Variants in ZGPAT observed in about 807,000 individuals in gnomAD.
The protein encoded by ZGPAT is zinc finger CCCH-type and G-patch domain containing.
Under a neutral mutation model 47.9 loss-of-function variants are expected in ZGPAT, and 39 were observed. That is an observed-to-expected ratio of 0.81 (90% confidence interval 0.63 to 1.06). The LOEUF (loss-of-function observed/expected upper bound fraction) is 1.06, where lower values mean the gene tolerates loss of function less well. ZGPAT is among the 50% of genes least tolerant of loss of function. ZGPAT has a pLI of 0.00. For synonymous variants in ZGPAT, 348 were observed against 292.9 expected, an observed-to-expected ratio of 1.19 and a Z score of -1.92; for missense variants, 717 against 681.4, an observed-to-expected ratio of 1.05 and a Z score of -0.58.
Position 63,709,011 on chromosome 20 carries a change from C to G in ZGPAT, c.431C>G (p.Thr144Ser), listed in dbSNP as rs778327803. The G allele has an allele frequency of 2.9e-5, 46 of 1,613,480 alleles. No homozygotes were observed. The highest frequency in any genetic ancestry group is 3.6e-5 in the Non-Finnish European group (43 of 1,180,010). Reference protein sequence around the residue: ...VSAPYYSSWGTLEYHNAMVVG... With the variant: ...VSAPYYSSWGSLEYHNAMVVG... ...GCGCCCTACTACAGCTCCTGGGGCA[C>G]TCTGGAGTATCACAACGCCATGGTG... is the stretch of plus-strand genomic sequence containing the variant. The change falls in exon 2 of 7, where the codon ACT becomes AGT. Residue 144 changes from threonine (T) to serine (S), a missense_variant. Physicochemically the swap from Thr to Ser is moderately conservative, Grantham distance 58. Transcript: ENST00000355969.
intron 4 of ZGPAT, chr20:63,733,963 G>A (rs1601350267): frequency 1.7e-6 from 1 of 597,134 alleles, no homozygotes; most frequent in Non-Finnish European, 2.9e-6. Context: ...TTGATGGGAG[G>A]CCATGGTCGT....
intron 2 of ZGPAT, among the ~76,000 whole-genome samples, chr20:63,732,964 G>C (rs1284375079): frequency 6.6e-6 from 1 of 150,534 alleles, no homozygotes; most frequent in Non-Finnish European, 1.5e-5. Context: ...GTATGTGTGA[G>C]TGTATGTGTG....
intron 2 of ZGPAT, among the ~76,000 whole-genome samples, chr20:63,717,483 C>T (rs776768974): frequency 4.6e-5 from 7 of 151,724 alleles, no homozygotes; most frequent in Non-Finnish European, 8.8e-5. Context: ...AGACGTTTCC[C>T]GGCCAAGGTG....
chr20:63,709,330 G>A (rs914011978), intron 2 of ZGPAT, among the ~76,000 whole-genome samples, 166 bp downstream of exon 2: 2 of 152,190 alleles, frequency 1.3e-5, no homozygotes, highest in African/African-American at 4.8e-5. Flanking sequence ...TCTTCCTTCT[G>A]GGGTGAATCA....
At position 63,708,963 on chromosome 20, in the gene ZGPAT, A is replaced by G. The variant is rs774573345; in HGVS notation, c.383A>G (p.Glu128Gly). The change falls in exon 2 of 7, where the codon GAG becomes GGG. Residue 128 changes from glutamate to glycine, a missense_variant. By Grantham distance (98) the Glu-to-Gly change is moderately conservative. Transcript: ENST00000355969. ...GAGGAAGAGGGAGAGGACGAGGAAG[A>G]GCTGAGTGGGACAAAGGTGAGCGCG... ...QEEEEGEDEE[E>G]LSGTKVSAPY... The G allele has an allele frequency of 3.7e-6, 6 of 1,613,430 alleles. No homozygotes were observed. In the Admixed American group the frequency reaches 1.0e-4, roughly 27 times the overall value.
At chr20:63,722,733 C>T (rs1213451221) in intron 2 of ZGPAT, among the ~76,000 whole-genome samples, 5 of 151,868 alleles carry the variant, frequency 3.3e-5, no homozygotes, top group Admixed American at 2.6e-4. Flanking sequence ...CCCAGGTTCA[C>T]GCCATTCTCC....
At chr20:63,708,430 G>T (rs1215308718) in intron 1 of ZGPAT, 123 bp from the exon 2 acceptor site, 2 of 680,110 alleles carry the variant, frequency 2.9e-6, no homozygotes, top group African/African-American at 3.7e-5. Context: ...CCTCTGCGCT[G>T]GGAGCTGTGC....
intron 2 of ZGPAT, among the ~76,000 whole-genome samples, chr20:63,710,298 G>GC (rs1291135865): frequency 2.0e-5 from 3 of 151,792 alleles, no homozygotes; most frequent in African/African-American, 7.3e-5. Flanking sequence ...CATTACAGGC[G>GC]CCCGCCACCA....
At chr20:63,722,252 G>A (rs554319788) in intron 2 of ZGPAT, among the ~76,000 whole-genome samples, 41 of 152,304 alleles carry the variant, frequency 2.7e-4, no homozygotes, top group African/African-American at 9.9e-4. Context: ...AGTAGTGGCT[G>A]AGCAGAAATA....
intron 2 of ZGPAT, among the ~76,000 whole-genome samples, chr20:63,731,709 G>A (rs2091906157): frequency 7.0e-6 from 1 of 143,846 alleles, no homozygotes; most frequent in Non-Finnish European, 1.5e-5. Context: ...GGCCCTTTGT[G>A]TGTGTGAGAT....
rs148155917 is a variant in ZGPAT, at chr20:63,708,607, C to T, written c.27C>T (p.Ala9=). The change falls in exon 2 of 7, where the codon GCC becomes GCT. Residue 9 remains alanine (A), a synonymous_variant. Transcript: ENST00000355969. MDEESLES[A]LQTYRAQLQQ... The stretch of plus-strand genomic sequence containing the variant: ...TGGACGAGGAGAGCCTGGAGTCGGC[C>T]TTGCAGACCTACCGTGCGCAGCTGC... The T allele has an allele frequency of 1.0e-4, 161 of 1,607,664 alleles. No individual in the cohort carries two copies. The highest frequency in any genetic ancestry group is 1.3e-4 in the Non-Finnish European group (149 of 1,176,332).
At chr20:63,730,660 T>C (rs2091888123) in intron 2 of ZGPAT, among the ~76,000 whole-genome samples, 1 of 152,138 alleles carries the variant, frequency 6.6e-6, no homozygotes, top group South Asian at 2.1e-4. Flanking sequence ...AATTTTTGTA[T>C]TTTTAGTAGA....
chr20:63,709,224 C>T, intron 2 of ZGPAT, 60 bp downstream of exon 2: 4 of 1,581,716 alleles, frequency 2.5e-6, no homozygotes, highest in South Asian at 2.2e-5. Flanking sequence ...CACACAGGGT[C>T]GGGTCAGGAT....
intron 2 of ZGPAT, among the ~76,000 whole-genome samples, chr20:63,726,189 G>A (rs987891125): frequency 1.0e-4 from 14 of 140,264 alleles, no homozygotes; most frequent in Non-Finnish European, 1.7e-4. Context: ...ATCTGCCGTT[G>A]AGTACATCTA....
chr20:63,734,685 C>CCG lies in ZGPAT; in HGVS notation c.872-19_872-18insGC. 1 of 1,612,762 alleles carries CCG rather than the reference C, an allele frequency of 6.2e-7. No individual in the cohort carries two copies. The highest frequency in any genetic ancestry group is 1.1e-5 in the South Asian group (1 of 90,856). ...CCGTGGACTCTGCACAGTCCTCTGC[C>CCG]CTCTGTCCGTCTCTTGCAGTGGTGG... On this transcript the variant is annotated intron_variant, in intron 4 of 6. Transcript: ENST00000355969.
At chr20:63,722,035 T>G (rs1443466027) in intron 2 of ZGPAT, among the ~76,000 whole-genome samples, 8 of 125,164 alleles carry the variant, frequency 6.4e-5, no homozygotes, top group Admixed American at 1.6e-4. Context: ...AAAAAAAAAA[T>G]GCCATCAACA....
chr20:63,718,568 G>A (rs970897698), intron 2 of ZGPAT, among the ~76,000 whole-genome samples: 10 of 151,598 alleles, frequency 6.6e-5, no homozygotes, highest in South Asian at 6.2e-4. Context: ...TGATCTGCCC[G>A]CCTTGGCCTC....
chr20:63,728,653 T>C (rs2091867490), intron 2 of ZGPAT, among the ~76,000 whole-genome samples: 1 of 152,218 alleles, frequency 6.6e-6, no homozygotes. Flanking sequence ...GCTGGCCCAG[T>C]GCTCACTCCA....
chr20:63,733,036 ATG>A (rs113843559), intron 2 of ZGPAT, among the ~76,000 whole-genome samples, 181 bp from the exon 3 acceptor site: 1,653 of 151,260 alleles, frequency 0.011, 21 homozygotes, highest in African/African-American at 0.033. Context: ...GAGTGTGTGC[ATG>A]TGTGTGTGTA....
Sources: gnomAD v4.1 joint callset for allele counts (sites outside exome capture counted in the v4.1 genomes callset) on GRCh38, gnomAD v4.1.1 for gene constraint, MANE v1.5 for transcripts, NCBI Gene and HGNC (gene_info 2026-07-23, HGNC 2026-07-21) for gene names.